The following TPM1 variants were observed in gnomAD, a reference collection of about 807,000 sequenced individuals.
The protein encoded by TPM1 is tropomyosin alpha-1 chain.
A neutral mutation model predicts 42.9 loss-of-function variants in TPM1; 24 were observed. That is an observed-to-expected ratio of 0.56 (90% CI 0.41 to 0.79). The LOEUF (loss-of-function observed/expected upper bound fraction) is 0.79. Among genes scored for constraint, TPM1 ranks in the 30% least tolerant of loss-of-function variants. The pLI is 0.00. For synonymous variants in TPM1, 136 were observed against 130.1 expected (o/e 1.05, Z -0.31); for missense variants, 158 against 351.8 (o/e 0.45, Z 4.41).
At chr15:63,043,200 T>A (rs1236573210) in intron 1 of TPM1, 6 of 543,042 alleles carry the variant, frequency 1.1e-5, no homozygotes, top group Non-Finnish European at 1.7e-5. Flanking sequence ...TAGAGGCGCT[T>A]TATTCTCAGG....
downstream of TPM1, chr15:63,069,835 C>G: frequency 6.2e-7 from 1 of 1,613,688 alleles, no homozygotes; most frequent in African/African-American, 1.3e-5. Context: ...TTCCTTCTGC[C>G]TCTTTTCTGC....
At chr15:63,071,298 TA>T (rs1173995281) in exon 9 of TPM1, 2 of 1,112,946 alleles carry the variant, frequency 1.8e-6, no homozygotes, top group African/African-American at 3.1e-5. Context: ...AGATACCAGC[TA>T]GGTCAGGGGG....
At chr15:63,069,875 C>T, downstream of TPM1, 8 of 1,614,104 alleles carry the variant, frequency 5.0e-6, no homozygotes, top group Non-Finnish European at 6.8e-6. Context: ...TACAGATCAA[C>T]TCTACCAGCA....
chr15:63,063,425 A>T, intron 8 of TPM1: 1 of 966,908 alleles, frequency 1.0e-6, no homozygotes. Flanking sequence ...TAAGTTGCAG[A>T]CTTGCCATAT....
intron 1 of TPM1, chr15:63,043,660 ACCCGGTCCGTGCCGGCCG>A (rs1299276061): frequency 6.5e-7 from 1 of 1,536,340 alleles, no homozygotes; most frequent in Admixed American, 2.0e-5. Flanking sequence ...TGTGTCTAAC[ACCCGGTCCGTGCCGGCCG>A]CCCGCGCCCG....
intron 2 of TPM1, among the ~76,000 whole-genome samples, chr15:63,055,321 T>G (rs1217974141): frequency 6.6e-6 from 1 of 152,212 alleles, no homozygotes; most frequent in Non-Finnish European, 1.5e-5. Flanking sequence ...TTTTATAGAG[T>G]CCTTCACCGT....
rs2036254360 is a variant in TPM1 at position 63,066,068 on chromosome 15, G to A, written c.*169G>A. The A allele has an allele frequency of 3.3e-6, 5 of 1,535,356 alleles. No individual in the cohort carries two copies. The highest frequency in any genetic ancestry group is 2.0e-5 in the Admixed American group (1 of 49,756). ...TATTGTACAGAAGCTCTTCGTTTCAGTGTCAAATAAACACTGTGTAAGCTA... is the reference window on the plus strand; with the variant it reads ...TATTGTACAGAAGCTCTTCGTTTCAATGTCAAATAAACACTGTGTAAGCTA... On this transcript the variant is annotated 3_prime_UTR_variant, in exon 10 of 10. Transcript: ENST00000403994.
intron 2 of TPM1, among the ~76,000 whole-genome samples, chr15:63,055,334 T>C (rs901834066): frequency 2.6e-5 from 4 of 152,204 alleles, no homozygotes; most frequent in African/African-American, 9.6e-5. Context: ...TTCACCGTGG[T>C]TGGAGATGCC....
chr15:63,051,201 A>G (rs1312340720), intron 2 of TPM1, among the ~76,000 whole-genome samples: 3 of 152,212 alleles, frequency 2.0e-5, no homozygotes, highest in African/African-American at 4.8e-5. Context: ...TTGTGGCCAG[A>G]AGGTTCTTAA....
At chr15:63,071,715 C>A (rs149635308) in exon 9 of TPM1, 162 of 169,064 alleles carry the variant, frequency 9.6e-4, no homozygotes, top group Non-Finnish European at 1.4e-3. Context: ...GACTTCCATT[C>A]CTTTCTGATT....
chr15:63,056,935 C>A (rs772284517), intron 2 of TPM1, 50 bp from the exon 3 acceptor site: 2 of 1,613,310 alleles, frequency 1.2e-6, no homozygotes, highest in African/African-American at 2.7e-5. Flanking sequence ...CCTGAAGCTA[C>A]CACCCTCACT....
chr15:63,070,057 A>G (rs191417491), downstream of TPM1: 1,246 of 1,561,866 alleles, frequency 8.0e-4, no homozygotes, highest in Non-Finnish European at 1.0e-3. Flanking sequence ...TTCTGCAGAA[A>G]TGCAAATGCA....
In TPM1 at chr15:63,042,809, G is replaced by C. The variant is rs1273134771; in HGVS notation, c.-21G>C. The stretch of plus-strand genomic sequence containing the variant: ...CCCCGCCGCTCCTGCTGCAGCCCCA[G>C]GGCCCCTCGCCGCCGCCACCATGGA... On this transcript the variant is annotated 5_prime_UTR_variant, in exon 1 of 10. Transcript: ENST00000403994. 1 of 1,606,600 alleles carries C rather than the reference G, an allele frequency of 6.2e-7. No homozygotes were observed. Among genetic ancestry groups the C allele is most frequent in the Admixed American group, 1.7e-5 (1 of 59,796 alleles).
chr15:63,064,214 T>G, intron 9 of TPM1, 72 bp downstream of exon 9: 1 of 1,571,058 alleles, frequency 6.4e-7, no homozygotes, highest in Non-Finnish European at 8.6e-7. Context: ...CACCATGCCT[T>G]CCTTGCTCCC....
chr15:63,048,243 C>G (rs751359181), intron 2 of TPM1: 6 of 492,104 alleles, frequency 1.2e-5, no homozygotes, highest in African/African-American at 2.0e-5. Flanking sequence ...GCAGTGGCCT[C>G]CCGGAGCGCC....
Position 63,066,079 on chromosome 15 carries a change from A to C in TPM1, c.*180A>C. ...AGCTCTTCGTTTCAGTGTCAAATAA[A>C]CACTGTGTAAGCTATTTCTGTTTGC... On this transcript the variant is annotated 3_prime_UTR_variant, in exon 10 of 10. Transcript: ENST00000403994. The C allele has an allele frequency of 6.5e-7, 1 of 1,528,722 alleles. No homozygotes were observed. The highest frequency in any genetic ancestry group is 8.7e-7 in the Non-Finnish European group (1 of 1,143,300). The allele number at this position is 1,528,722 out of a possible 1,614,324, so 94.7% of individuals were successfully genotyped here.
chr15:63,058,601 C>T (rs1474825699), intron 3 of TPM1, among the ~76,000 whole-genome samples: 5 of 151,994 alleles, frequency 3.3e-5, no homozygotes, highest in African/African-American at 9.7e-5. Flanking sequence ...CCCAGCTACT[C>T]GGGAGGCTGA....
At chr15:63,043,928 C>G (rs2031813940) in intron 1 of TPM1, 99 bp from the exon 2 acceptor site, 1 of 1,557,420 alleles carries the variant, frequency 6.4e-7, no homozygotes, top group Admixed American at 1.9e-5. Context: ...CTCCCGCTGT[C>G]CCTGTCCTTC....
chr15:63,068,700 TAC>T (rs1430953404), downstream of TPM1, among the ~76,000 whole-genome samples: 1 of 152,208 alleles, frequency 6.6e-6, no homozygotes, highest in African/African-American at 2.4e-5. Context: ...GATCATCAGA[TAC>T]AGACTGACTC....
Sources: allele counts gnomAD v4.1 joint callset (sites outside exome capture counted in the v4.1 genomes callset), GRCh38; gene constraint gnomAD v4.1.1; transcripts MANE v1.5; gene names NCBI Gene and HGNC (gene_info 2026-07-23, HGNC 2026-07-21).